The following DOCK7 variants were observed in gnomAD, a reference collection of about 807,000 sequenced individuals.
The protein encoded by DOCK7 is dedicator of cytokinesis 7, also known as dedicator of cytokinesis protein 7.
A neutral mutation model predicts 271.0 loss-of-function variants in DOCK7; 138 were observed. The observed-to-expected ratio is 0.51, with a 90% CI of 0.44 to 0.59. The LOEUF (loss-of-function observed/expected upper bound fraction) is 0.59, where lower values mean the gene tolerates loss of function less well. Ranked by LOEUF, DOCK7 falls within the 20% of genes least tolerant of loss-of-function variation. The pLI, the probability that DOCK7 is intolerant of heterozygous loss-of-function variation, is 0.00. For missense variants in DOCK7, 2,066 were observed against 2,592.4 expected, an observed-to-expected ratio of 0.80 and a Z score of 4.41; for synonymous variants, 823 against 876.1, an observed-to-expected ratio of 0.94 and a Z score of 1.07.
At chr1:62,641,135 G>A (rs1655971552) in intron 7 of DOCK7, 1 of 299,956 alleles carries the variant, frequency 3.3e-6, no homozygotes, top group Non-Finnish European at 6.5e-6. Context: ...GGAGTCCATG[G>A]CTCTTGAGGA....
chr1:62,496,291 T>A (rs1646620148), intron 38 of DOCK7, 48 bp downstream of exon 38: 1 of 1,585,128 alleles, frequency 6.3e-7, no homozygotes. Flanking sequence ...AAAGTGCCTA[T>A]TTAACAAGCC....
intron 11 of DOCK7, among the ~76,000 whole-genome samples, chr1:62,626,261 T>G (rs1337149025): frequency 2.0e-5 from 3 of 152,118 alleles, no homozygotes; most frequent in Non-Finnish European, 4.4e-5. Context: ...GCTATTAATG[T>G]CTATTTTAAA....
At chr1:62,536,881 C>T (rs1571446717) in intron 28 of DOCK7, among the ~76,000 whole-genome samples, 1 of 152,130 alleles carries the variant, frequency 6.6e-6, no homozygotes, top group South Asian at 2.1e-4. Context: ...ACTAAAACCA[C>T]AAAATCTCTT....
chr1:62,535,798 T>C (rs554333985), intron 28 of DOCK7, among the ~76,000 whole-genome samples, 166 bp from the exon 29 acceptor site: 1 of 152,342 alleles, frequency 6.6e-6, no homozygotes, highest in Non-Finnish European at 1.5e-5. Context: ...GAAACTATGA[T>C]GAGATTGCTT....
chr1:62,528,242 C>T lies in DOCK7; in HGVS notation c.3845G>A (p.Gly1282Glu). 1 of 1,613,710 alleles carries T rather than the reference C, an allele frequency of 6.2e-7. No individual in the cohort carries two copies. The highest frequency in any genetic ancestry group is 8.5e-7 in the Non-Finnish European group (1 of 1,179,804). Residue 1282 changes from glycine to glutamate, a missense_variant, in exon 31 of 50, where the codon GGA (glycine) becomes GAA (glutamate). By Grantham distance (98) the Gly-to-Glu change is moderately conservative. Around this residue, in one of 2 missense-constraint regions of DOCK7, gnomAD observed 1,414 missense variants for 1,670.4 expected, o/e 0.85. Transcript: ENST00000635253. ...IATDDYESESGSMISQTVAMA... is the reference protein window; with the variant it reads ...IATDDYESESESMISQTVAMA... ...GGCAACGGTCTGGCTTATCATACTT[C>T]CGCTCTCACTTTCATAATCATCAGT...
At position 62,539,798 on chromosome 1, in the gene DOCK7, G is replaced by A; in HGVS notation, c.3140C>T (p.Ala1047Val). 1 of 1,613,674 alleles carries A rather than the reference G, an allele frequency of 6.2e-7. No homozygotes were observed. The highest frequency in any genetic ancestry group is 8.5e-7 in the Non-Finnish European group (1 of 1,179,910). Residue 1047 changes from alanine to valine, a missense_variant, in exon 26 of 50, where the codon GCT (alanine) becomes GTT (valine). Around this residue, in one of 2 missense-constraint regions of DOCK7, gnomAD observed 1,414 missense variants for 1,670.4 expected, o/e 0.85. Coordinates refer to ENST00000635253, the MANE Select transcript of DOCK7 (RefSeq NM_001367561.1). ...FPERFMDDIA[A>V]LVSTIASDIV... Reference sequence around the variant, plus strand: ...ATCACTAGCAATCGTGCTGACAAGAGCTGCAATGTCATCCATGAAACGTTC... The same window carrying A: ...ATCACTAGCAATCGTGCTGACAAGAACTGCAATGTCATCCATGAAACGTTC...
rs1290445533 is a variant in DOCK7 at position 62,475,809 on chromosome 1, G to A, written c.5859C>T (p.Ala1953=). The A allele has an allele frequency of 6.2e-7, 1 of 1,613,902 alleles. No individual in the cohort carries two copies. Among genetic ancestry groups the A allele is most frequent in the Non-Finnish European group, 8.5e-7 (1 of 1,179,944 alleles). The change falls in exon 46 of 50, where the codon GCC becomes GCT. Residue 1953 remains alanine (A), a synonymous_variant. Transcript: ENST00000635253. The part of the protein sequence containing the change: ...YCTPFTLDGR[A]HGELHEQFKR... Reference sequence around the variant, plus strand: ...TGAATTGTTCATGAAGTTCCCCATGGGCACGGCCATCTAAAGTAAAGGGTG... The same window carrying A: ...TGAATTGTTCATGAAGTTCCCCATGAGCACGGCCATCTAAAGTAAAGGGTG...
At chr1:62,596,262 G>T (rs1387452836) in intron 14 of DOCK7, among the ~76,000 whole-genome samples, 1 of 152,060 alleles carries the variant, frequency 6.6e-6, no homozygotes, top group African/African-American at 2.4e-5. Flanking sequence ...CCATGGGGAG[G>T]TTAAGTAACT....
Position 62,648,254 on chromosome 1 carries a change from A to G in DOCK7, c.584T>C (p.Ile195Thr). ...DTPRGSWACS[I>T]FDLKNSLPDA... ...AGGAAGTGAATTTTTCAAGTCAAAG[A>G]TACTACAGGCCCAGCTACCCCTTGG... The change falls in exon 6 of 50, where the codon ATC becomes ACC. Residue 195 changes from isoleucine (I) to threonine (T), a missense_variant. By Grantham distance (89) the Ile-to-Thr change is moderately conservative (BLOSUM62 -1). This residue lies in a region of DOCK7 where 1,414 missense variants were observed against 1,670.4 expected (regional missense o/e 0.85). Coordinates refer to ENST00000635253, the MANE Select transcript of DOCK7 (RefSeq NM_001367561.1). 2 of 1,613,712 alleles carry G rather than the reference A, an allele frequency of 1.2e-6. No individual in the cohort carries two copies. Among genetic ancestry groups the G allele is most frequent in the Non-Finnish European group, 1.7e-6 (2 of 1,179,734 alleles).
chr1:62,625,416 A>T lies in DOCK7; in HGVS notation c.1283-15T>A. ...CCCTTTTCGTTCTACAAAAGAATTA[A>T]AAAAAAAATTCATTTTCATAGAAGT... On this transcript the variant is annotated splice_polypyrimidine_tract_variant and intron_variant, in intron 11 of 49. Transcript: ENST00000635253. 6.4e-7 allele frequency: 1 copy of T among 1,568,118 alleles called. No individual in the cohort carries two copies. Among genetic ancestry groups the T allele is most frequent in the Non-Finnish European group, 8.6e-7 (1 of 1,159,536 alleles).
At chr1:62,540,605 A>T (rs1288887858) in intron 25 of DOCK7, among the ~76,000 whole-genome samples, 1 of 152,210 alleles carries the variant, frequency 6.6e-6, no homozygotes, top group African/African-American at 2.4e-5. Context: ...CACAGATGAT[A>T]GCATATAGTG....
chr1:62,601,380 C>CA (rs1321451309), intron 14 of DOCK7, among the ~76,000 whole-genome samples: 5 of 151,480 alleles, frequency 3.3e-5, no homozygotes, highest in Non-Finnish European at 7.4e-5. Context: ...CAGAGAAATA[C>CA]AAATATGGAC....
At chr1:62,672,892 T>C (rs1334430475) in intron 1 of DOCK7, among the ~76,000 whole-genome samples, 2 of 152,128 alleles carry the variant, frequency 1.3e-5, no homozygotes, top group African/African-American at 4.8e-5. Flanking sequence ...TAATGATTTG[T>C]CTATTTTCCA....
At position 62,531,567 on chromosome 1, in the gene DOCK7, T is replaced by C. The variant is rs908584179; in HGVS notation, c.3612-2121A>G. 2.0e-5 allele frequency among the ~76,000 whole-genome samples: 3 copies of C among 152,242 alleles called. 1 individual carries two copies. The highest frequency in any genetic ancestry group is 2.0e-4 in the Admixed American group (3 of 15,278). On this transcript the variant is annotated intron_variant, in intron 29 of 49. Coordinates refer to ENST00000635253, the MANE Select transcript of DOCK7 (RefSeq NM_001367561.1). ...CATGTACTACAAAACTAACATTTAA[T>C]CATAGTGTACTGTTTTGCAGTCTTA... is the stretch of plus-strand genomic sequence containing the variant.
At chr1:62,633,707 GTAGAACAAACAT>G in intron 9 of DOCK7, 129 bp from the exon 10 acceptor site, 1 of 636,570 alleles carries the variant, frequency 1.6e-6, no homozygotes, top group East Asian at 2.7e-5. Context: ...CTCAATTGCT[GTAGAACAAACAT>G]TAGACAAAAT....
At chr1:62,567,470 TCTCA>T (rs540933119) in intron 18 of DOCK7, among the ~76,000 whole-genome samples, 8 of 151,550 alleles carry the variant, frequency 5.3e-5, no homozygotes, top group Non-Finnish European at 1.0e-4. Flanking sequence ...CACCACATGT[TCTCA>T]CTCATAAGTG....
At chr1:62,498,125 T>A (rs746762528) in intron 37 of DOCK7, among the ~76,000 whole-genome samples, 3 of 151,824 alleles carry the variant, frequency 2.0e-5, no homozygotes, top group Non-Finnish European at 4.4e-5. Context: ...ATGCGTGTAG[T>A]CCCAGCTACT....
intron 14 of DOCK7, among the ~76,000 whole-genome samples, chr1:62,595,357 A>G (rs1174004782): frequency 6.6e-6 from 1 of 152,188 alleles, no homozygotes; most frequent in Non-Finnish European, 1.5e-5. Context: ...CTGAAAATAT[A>G]AACTTTTAAT....
rs1302797398 is a variant in DOCK7, at chr1:62,654,179, A to G, written c.145-20T>C. ...GGGCACCTTTGTAAAAAGTTGGGAT[A>G]AGAGATGGGTAGAAAACAAGAGGTG... is the stretch of plus-strand genomic sequence containing the variant. On this transcript the variant is annotated intron_variant, in intron 2 of 49. Coordinates refer to ENST00000635253, the MANE Select transcript of DOCK7 (RefSeq NM_001367561.1). The G allele has an allele frequency of 2.5e-6, 4 of 1,600,016 alleles. No individual in the cohort carries two copies.
Sources: allele counts gnomAD v4.1 joint callset (sites outside exome capture counted in the v4.1 genomes callset), GRCh38; gene constraint gnomAD v4.1.1; regional missense constraint gnomAD v4.1.1; transcripts MANE v1.5; gene names NCBI Gene and HGNC (gene_info 2026-07-23, HGNC 2026-07-21).